The following ZNF773 variants were observed in gnomAD, a reference collection of about 807,000 sequenced individuals.
ZNF773 encodes zinc finger protein 419B.
ZNF773 carries 11 observed loss-of-function variants against 12.8 expected under a neutral mutation model. The observed-to-expected ratio is 0.86, with a 90% confidence interval of 0.54 to 1.42. The LOEUF (loss-of-function observed/expected upper bound fraction) is 1.42. Ranked by LOEUF, ZNF773 falls within the 40% of genes most tolerant of loss-of-function variation. ZNF773 has a pLI of 0.00. For missense variants in ZNF773, 518 were observed against 527.2 expected, an observed-to-expected ratio of 0.98 and a Z score of 0.17; for synonymous variants, 175 against 178.4, an observed-to-expected ratio of 0.98 and a Z score of 0.15.
At chr19:57,511,732 C>T (rs1294884525), downstream of ZNF773, among the ~76,000 whole-genome samples, 1 of 135,760 alleles carries the variant, frequency 7.4e-6, no homozygotes, top group Non-Finnish European at 1.5e-5. Flanking sequence ...CACACACACA[C>T]ACACATACAC....
chr19:57,508,464 A>G (rs73631579), downstream of ZNF773: 3 of 684,898 alleles, frequency 4.4e-6, no homozygotes, highest in African/African-American at 3.6e-5. Flanking sequence ...TTTACTTGCC[A>G]TAAACCCTTA....
At position 57,507,129 on chromosome 19, in the gene ZNF773, G is replaced by A. The variant is rs190737852; in HGVS notation, c.1034G>A (p.Ser345Asn). 1.4e-4 allele frequency: 227 copies of A among 1,611,766 alleles called. 1 individual carries two copies. In the East Asian group the frequency reaches 4.2e-3, roughly 30 times the overall value. ...GGAAAATTCTATAGCCACAAGTCCAGCCTTATCAATCATTGGCGTGTTCAC... is the reference window on the plus strand; with the variant it reads ...GGAAAATTCTATAGCCACAAGTCCAACCTTATCAATCATTGGCGTGTTCAC... ...ECGKFYSHKS[S>N]LINHWRVHTG... Residue 345 changes from serine (S) to asparagine (N), a missense_variant, in exon 4 of 4, where the codon AGC becomes AAC. By Grantham distance (46) the Ser-to-Asn change is conservative. Transcript: ENST00000282292.
chr19:57,508,140 C>A lies in ZNF773; in HGVS notation c.*716C>A, dbSNP rs1304704931. The A allele has an allele frequency of 1.2e-3, 977 of 784,330 alleles. No homozygotes were observed. Among genetic ancestry groups the A allele is most frequent in the Admixed American group, 0.012 (86 of 7,394 alleles). 48.6% of individuals were successfully genotyped at this position (784,330 alleles called of 1,614,324 possible). A position where few individuals can be genotyped will look rare whatever the true frequency, so the allele number is the denominator to read the frequency against. On this transcript the variant is annotated 3_prime_UTR_variant, in exon 4 of 4. Coordinates refer to ENST00000282292, the MANE Select transcript of ZNF773 (RefSeq NM_198542.3). ...TGGGTGACAGAGTGAGACTTCGTCT[C>A]AAAAAAAAAAAAAAAAAACAAAAAA... is the stretch of plus-strand genomic sequence containing the variant.
chr19:57,500,014 C>T lies in ZNF773; in HGVS notation c.-67C>T. 6.5e-7 allele frequency: 1 copy of T among 1,528,514 alleles called. No individual in the cohort carries two copies. Among genetic ancestry groups the T allele is most frequent in the Non-Finnish European group, 8.8e-7 (1 of 1,137,102 alleles). 94.7% of individuals were successfully genotyped at this position (1,528,514 alleles called of 1,614,324 possible). On this transcript the variant is annotated 5_prime_UTR_variant, in exon 1 of 4. Coordinates refer to ENST00000282292, the MANE Select transcript of ZNF773 (RefSeq NM_198542.3). ...TCGCAGCTCAGAGGCGGGTCTGAGG[C>T]TCGGTGGCGGCGCCCAGGGTGGCCC... is the stretch of plus-strand genomic sequence containing the variant.
At chr19:57,516,859 A>C (rs2089835219), downstream of ZNF773, 1 of 152,254 alleles carries the variant, frequency 6.6e-6, no homozygotes, top group Non-Finnish European at 1.5e-5. Flanking sequence ...AGTGAGAATC[A>C]GACCTCATGG....
chr19:57,509,475 T>G (rs909317115), downstream of ZNF773, among the ~76,000 whole-genome samples: 2 of 152,224 alleles, frequency 1.3e-5, no homozygotes, highest in Non-Finnish European at 2.9e-5. Context: ...CAGAACTCCT[T>G]AGAGAAGAGG....
In ZNF773 at chr19:57,506,446, G is replaced by A. The variant is rs1444741612; in HGVS notation, c.351G>A (p.Lys117=). 2 of 1,614,254 alleles carry A rather than the reference G, an allele frequency of 1.2e-6. No homozygotes were observed. The highest frequency in any genetic ancestry group is 2.2e-5 in the East Asian group (1 of 44,888). ...VPSSNVQQHQ[K]QHCGEKPLKR... ...GTTCAAACGTTCAGCAACACCAGAA[G>A]CAGCACTGTGGAGAGAAACCCTTAA... Residue 117 remains lysine, a synonymous_variant, in exon 4 of 4, where the codon AAG becomes AAA. Transcript: ENST00000282292.
In ZNF773 at chr19:57,506,872, T is replaced by A. The variant is rs201913879; in HGVS notation, c.777T>A (p.Asn259Lys). 35 of 1,613,590 alleles carry A rather than the reference T, an allele frequency of 2.2e-5. No individual in the cohort carries two copies. The highest frequency in any genetic ancestry group is 2.9e-5 in the Non-Finnish European group (34 of 1,179,956). Reference sequence around the variant, plus strand: ...ACTGTGGAAAATCCTTTAGCCGTAATGCTGACCTCATTCAACACCAGAGAG... The same window carrying A: ...ACTGTGGAAAATCCTTTAGCCGTAAAGCTGACCTCATTCAACACCAGAGAG... The part of the protein sequence containing the change: ...CSDCGKSFSR[N>K]ADLIQHQRVH... The change falls in exon 4 of 4, where the codon AAT (asparagine) becomes AAA (lysine). Residue 259 changes from asparagine to lysine, a missense_variant. Coordinates refer to ENST00000282292, the MANE Select transcript of ZNF773 (RefSeq NM_198542.3).
At chr19:57,510,038 T>G (rs1202147384), downstream of ZNF773, among the ~76,000 whole-genome samples, 1 of 152,226 alleles carries the variant, frequency 6.6e-6, no homozygotes, top group Non-Finnish European at 1.5e-5. Flanking sequence ...AACAAAATTT[T>G]AGCAAATTGA....
chr19:57,514,850 AT>A (rs2089821970), downstream of ZNF773: 1 of 152,150 alleles, frequency 6.6e-6, no homozygotes, highest in Admixed American at 6.5e-5. Flanking sequence ...ATCAGACAAA[AT>A]TTTGCAATTT....
chr19:57,508,272 C>T, downstream of ZNF773: 1 of 1,214,612 alleles, frequency 8.2e-7, no homozygotes, highest in Non-Finnish European at 1.0e-6. Flanking sequence ...TAGATTGTTC[C>T]TCCTGAGAAA....
At chr19:57,502,018 C>T (rs374480221) in intron 1 of ZNF773, among the ~76,000 whole-genome samples, 1 of 152,164 alleles carries the variant, frequency 6.6e-6, no homozygotes, top group African/African-American at 2.4e-5. Flanking sequence ...TCTCGGCTCA[C>T]CGCAACCTCC....
rs1568581699 is a variant in ZNF773, at chr19:57,507,272, G to A, written c.1177G>A (p.Gly393Arg). 2.3e-5 allele frequency: 37 copies of A among 1,611,322 alleles called. No homozygotes were observed. The highest frequency in any genetic ancestry group is 3.0e-5 in the Non-Finnish European group (35 of 1,178,078). ...AAAACCTTTTAAGTGCAATGAATGT[G>A]GGAGATTCTTTAGTGAGAATTCCAG... ...GEKPFKCNEC[G>R]RFFSENSSLV... The change falls in exon 4 of 4, where the codon GGG becomes AGG. Residue 393 changes from glycine to arginine, a missense_variant. Gly to Arg is a moderately radical substitution (Grantham distance 125, BLOSUM62 -2). Coordinates refer to ENST00000282292, the MANE Select transcript of ZNF773 (RefSeq NM_198542.3).
At position 57,507,470 on chromosome 19, in the gene ZNF773, G is replaced by T; in HGVS notation, c.*46G>T. 1 of 1,542,096 alleles carries T rather than the reference G, an allele frequency of 6.5e-7. No homozygotes were observed. The highest frequency in any genetic ancestry group is 8.7e-7 in the Non-Finnish European group (1 of 1,150,592). On this transcript the variant is annotated 3_prime_UTR_variant, in exon 4 of 4. Coordinates refer to ENST00000282292, the MANE Select transcript of ZNF773 (RefSeq NM_198542.3). ...GGTGTTTCAACCTCATTCAACACCA[G>T]AAAGTTCACAGTGTAAAAAAGTCTT...
At position 57,507,315 on chromosome 19, in the gene ZNF773, G is replaced by C. The variant is rs1388447935; in HGVS notation, c.1220G>C (p.Arg407Thr). 1 of 1,614,218 alleles carries C rather than the reference G, an allele frequency of 6.2e-7. No homozygotes were observed. The highest frequency in any genetic ancestry group is 1.7e-5 in the Admixed American group (1 of 60,018). Residue 407 changes from arginine (R) to threonine (T), a missense_variant, in exon 4 of 4, where the codon AGG becomes ACG. By Grantham distance (71) the Arg-to-Thr change is moderately conservative. Coordinates refer to ENST00000282292, the MANE Select transcript of ZNF773 (RefSeq NM_198542.3). ...SENSSLVKHQ[R>T]VHTGAKPYEC... ...AATTCCAGCCTTGTTAAACATCAGA[G>C]GGTTCACACTGGAGCAAAGCCTTAT...
chr19:57,510,531 T>G (rs2089786432), downstream of ZNF773, among the ~76,000 whole-genome samples: 1 of 152,126 alleles, frequency 6.6e-6, no homozygotes, highest in Non-Finnish European at 1.5e-5. Flanking sequence ...CAAAAAGTCT[T>G]AAGATTGTAA....
chr19:57,506,820 C>G lies in ZNF773; in HGVS notation c.725C>G (p.Thr242Ser). The G allele has an allele frequency of 1.9e-6, 3 of 1,614,198 alleles. No homozygotes were observed. Among genetic ancestry groups the G allele is most frequent in the Non-Finnish European group, 2.5e-6 (3 of 1,180,038 alleles). ...CTTTTTATACACCAAATAGTTCACA[C>G]TGGAGAAAGGCCTTATGGGTGTAGT... ...SNLFIHQIVH[T>S]GERPYGCSDC... The change falls in exon 4 of 4, where the codon ACT becomes AGT. Residue 242 changes from threonine to serine, a missense_variant. Coordinates refer to ENST00000282292, the MANE Select transcript of ZNF773 (RefSeq NM_198542.3).
chr19:57,501,862 C>A (rs983528303), intron 1 of ZNF773, among the ~76,000 whole-genome samples: 16 of 152,302 alleles, frequency 1.1e-4, no homozygotes, highest in African/African-American at 3.6e-4. Flanking sequence ...TCCTTGCTGG[C>A]TATTCTCCCT....
At chr19:57,503,669 T>C (rs1220690618) in intron 1 of ZNF773, among the ~76,000 whole-genome samples, 1 of 151,814 alleles carries the variant, frequency 6.6e-6, no homozygotes, top group Non-Finnish European at 1.5e-5. Flanking sequence ...TTTTTTTTTT[T>C]TTTTTAAGAT....
Sources: allele counts gnomAD v4.1 joint callset (sites outside exome capture counted in the v4.1 genomes callset), GRCh38; gene constraint gnomAD v4.1.1; transcripts MANE v1.5; gene names NCBI Gene and HGNC (gene_info 2026-07-23, HGNC 2026-07-21).